Variants in RCSD1 observed in about 807,000 individuals in gnomAD.
RCSD1 encodes the protein RCSD domain containing 1, also known as capZ-interacting protein.
RCSD1 carries 26 observed loss-of-function variants against 42.5 expected under a neutral mutation model. The ratio of observed to expected loss-of-function variants is 0.61; its 90% CI spans 0.45 to 0.85. RCSD1 has a LOEUF of 0.85. Among genes scored for constraint, RCSD1 ranks in the 40% least tolerant of loss-of-function variants. The probability of loss-of-function intolerance (pLI) is 0.00; values close to 1 mark genes in which losing one functional copy is unlikely to be tolerated. For synonymous variants in RCSD1, 220 were observed against 212.2 expected (o/e 1.04, Z -0.32); for missense variants, 571 against 528.3 (o/e 1.08, Z -0.79).
chr1:167,633,268 C>G (rs1657749055), intron 1 of RCSD1, among the ~76,000 whole-genome samples: 1 of 152,210 alleles, frequency 6.6e-6, no homozygotes, highest in Non-Finnish European at 1.5e-5. Context: ...TATATCCTGT[C>G]ACATATATAA....
rs114281623 is a variant in RCSD1 at position 167,654,226 on chromosome 1, G to T, written c.6+23797G>T. Among the ~76,000 whole-genome samples the T allele has an allele frequency of 5.4e-3, 823 of 152,310 alleles. 7 individuals are homozygous for T. Among genetic ancestry groups the T allele is most frequent in the African/African-American group, 0.019 (781 of 41,554 alleles). On this transcript the variant is annotated intron_variant, in intron 1 of 6. Coordinates refer to ENST00000367854, the MANE Select transcript of RCSD1 (RefSeq NM_052862.4). ...ACAAAGTGGCTCCCAAATGCAGAAGGAGCTGAGCGACAAAGAAGTCCAGTG... is the reference window on the plus strand; with the variant it reads ...ACAAAGTGGCTCCCAAATGCAGAAGTAGCTGAGCGACAAAGAAGTCCAGTG...
intron 1 of RCSD1, among the ~76,000 whole-genome samples, chr1:167,656,141 G>GGTATT (rs1433013345): frequency 1.3e-5 from 2 of 152,076 alleles, no homozygotes; most frequent in Non-Finnish European, 2.9e-5. Flanking sequence ...CTGTGAGGTG[G>GGTATT]GTATTGTGGA....
intron 5 of RCSD1, among the ~76,000 whole-genome samples, chr1:167,695,000 A>G (rs1659462352): frequency 6.6e-6 from 1 of 152,168 alleles, no homozygotes; most frequent in Non-Finnish European, 1.5e-5. Flanking sequence ...GTGCCAGAGA[A>G]TGCTAAATGG....
intron 1 of RCSD1, among the ~76,000 whole-genome samples, chr1:167,636,384 T>C (rs1284848660): frequency 6.6e-6 from 1 of 152,174 alleles, no homozygotes; most frequent in Non-Finnish European, 1.5e-5. Context: ...ATTCTGGACA[T>C]TGGAACAGAC....
intron 1 of RCSD1, among the ~76,000 whole-genome samples, chr1:167,676,248 G>T (rs1324164244): frequency 3.9e-5 from 6 of 152,206 alleles, no homozygotes; most frequent in Non-Finnish European, 8.8e-5. Flanking sequence ...CCTGAGCTCT[G>T]TGCTTCCCTT....
Position 167,630,268 on chromosome 1 carries a change from C to T in RCSD1, c.-156C>T. On this transcript the variant is annotated 5_prime_UTR_variant, in exon 1 of 7. Coordinates refer to ENST00000367854, the MANE Select transcript of RCSD1 (RefSeq NM_052862.4). ...GGCCCCCGCGGCCGGGGCAGTCCCG[C>T]AGCCGAGCGCAGCCGGGCGCGCGCC... 1 of 730,860 alleles carries T rather than the reference C, an allele frequency of 1.4e-6. No individual in the cohort carries two copies. The highest frequency in any genetic ancestry group is 1.9e-6 in the Non-Finnish European group (1 of 530,594). The allele number at this position is 730,860 out of a possible 1,614,324, so 45.3% of individuals were successfully genotyped here.
intron 1 of RCSD1, among the ~76,000 whole-genome samples, chr1:167,682,215 T>A (rs915589964): frequency 2.0e-5 from 3 of 149,842 alleles, no homozygotes; most frequent in Admixed American, 2.0e-4. Flanking sequence ...TGTCACCCAG[T>A]CTGGAGTGCA....
chr1:167,638,750 A>AAGC (rs1657921045), intron 1 of RCSD1, among the ~76,000 whole-genome samples: 1 of 152,230 alleles, frequency 6.6e-6, no homozygotes, highest in Admixed American at 6.5e-5. Flanking sequence ...CCCACACCTA[A>AAGC]AGCAAAACAG....
At chr1:167,645,840 C>T (rs1187235473) in intron 1 of RCSD1, among the ~76,000 whole-genome samples, 2 of 152,082 alleles carry the variant, frequency 1.3e-5, no homozygotes, top group Admixed American at 6.5e-5. Context: ...GTGGTGCACA[C>T]GTTAGGGAGA....
At chr1:167,649,412 A>G (rs2102205283) in intron 1 of RCSD1, among the ~76,000 whole-genome samples, 1 of 152,346 alleles carries the variant, frequency 6.6e-6, no homozygotes. Flanking sequence ...TTATTTGTAT[A>G]ACAAGCATAC....
At chr1:167,682,968 G>A (rs1659120044) in intron 1 of RCSD1, among the ~76,000 whole-genome samples, 1 of 152,206 alleles carries the variant, frequency 6.6e-6, no homozygotes. Flanking sequence ...AAGTGGTTAT[G>A]TAGGCCTCCT....
intron 3 of RCSD1, among the ~76,000 whole-genome samples, chr1:167,689,225 C>T (rs914187570): frequency 1.8e-4 from 27 of 152,208 alleles, no homozygotes; most frequent in Admixed American, 5.2e-4. Context: ...TGGTGGCTCA[C>T]GCCTGTAATC....
intron 1 of RCSD1, among the ~76,000 whole-genome samples, chr1:167,668,201 C>T (rs1459902097): frequency 6.6e-6 from 1 of 151,968 alleles, no homozygotes; most frequent in Non-Finnish European, 1.5e-5. Flanking sequence ...AGGAGAATCG[C>T]TTGAACCTGG....
At chr1:167,639,810 A>G (rs1033011920) in intron 1 of RCSD1, among the ~76,000 whole-genome samples, 1 of 152,182 alleles carries the variant, frequency 6.6e-6, no homozygotes, top group African/African-American at 2.4e-5. Context: ...CATTGTTTTA[A>G]CAAATGCCAA....
At chr1:167,704,577 C>A (rs1659713680) in intron 6 of RCSD1, 87 bp from the exon 7 acceptor site, 12 of 1,117,630 alleles carry the variant, frequency 1.1e-5, no homozygotes, top group Non-Finnish European at 1.5e-5. Flanking sequence ...ACTATTATTG[C>A]CAGATCCATC....
At chr1:167,680,322 A>G (rs754060221) in intron 1 of RCSD1, among the ~76,000 whole-genome samples, 7 of 151,948 alleles carry the variant, frequency 4.6e-5, no homozygotes, top group Non-Finnish European at 7.4e-5. Flanking sequence ...ACATCTGGGT[A>G]TGGTCCATGG....
Position 167,694,220 on chromosome 1 carries a change from G to C in RCSD1, c.392G>C (p.Arg131Pro), listed in dbSNP as rs376910996. 20 of 1,614,084 alleles carry C rather than the reference G, an allele frequency of 1.2e-5. No individual in the cohort carries two copies. Among genetic ancestry groups the C allele is most frequent in the South Asian group, 2.2e-5 (2 of 91,086 alleles). ...PPSTPSSPGV[R>P]SRPSEAEEVP... The stretch of plus-strand genomic sequence containing the variant: ...TCTACCCCCAGCAGCCCTGGTGTGC[G>C]ATCTAGGCCCAGCGAGGCAGAGGAG... Residue 131 changes from arginine (R) to proline (P), a missense_variant, in exon 5 of 7, where the codon CGA becomes CCA. Coordinates refer to ENST00000367854, the MANE Select transcript of RCSD1 (RefSeq NM_052862.4).
chr1:167,630,707 A>G (rs2102188702), intron 1 of RCSD1: 1 of 173,308 alleles, frequency 5.8e-6, no homozygotes, highest in African/African-American at 2.9e-5. Flanking sequence ...TATTTTGGCT[A>G]GGAACTTAAA....
At chr1:167,636,946 C>A (rs531856799) in intron 1 of RCSD1, among the ~76,000 whole-genome samples, 2 of 152,264 alleles carry the variant, frequency 1.3e-5, no homozygotes, top group South Asian at 2.1e-4. Flanking sequence ...CCAGGCACTG[C>A]GGATCTAAAG....
Sources: allele counts gnomAD v4.1 joint callset (sites outside exome capture counted in the v4.1 genomes callset), GRCh38; gene constraint gnomAD v4.1.1; transcripts MANE v1.5; gene names NCBI Gene and HGNC (gene_info 2026-07-23, HGNC 2026-07-21).